Variants in AMN1 observed in about 807,000 individuals in gnomAD.
The protein encoded by AMN1 is protein AMN1 homolog.
Under a neutral mutation model 33.0 loss-of-function variants are expected in AMN1, and 20 were observed. That is an observed-to-expected ratio of 0.61 (90% CI 0.43 to 0.88). The LOEUF (loss-of-function observed/expected upper bound fraction) is 0.88. Ranked by LOEUF, AMN1 falls within the 40% of genes least tolerant of loss-of-function variation. The probability of loss-of-function intolerance (pLI) is 0.00; values close to 1 mark genes in which losing one functional copy is unlikely to be tolerated. For missense variants in AMN1, 246 were observed against 307.4 expected, an observed-to-expected ratio of 0.80 and a Z score of 1.49; for synonymous variants, 114 against 111.9, an observed-to-expected ratio of 1.02 and a Z score of -0.12.
At chr12:31,678,191 A>G (rs2077132144) in intron 6 of AMN1, among the ~76,000 whole-genome samples, 2 of 151,906 alleles carry the variant, frequency 1.3e-5, no homozygotes, top group Non-Finnish European at 2.9e-5. Context: ...TCTCTTATTA[A>G]CCTCCCTTTT....
At chr12:31,709,612 A>G (rs1939391405) in intron 1 of AMN1, among the ~76,000 whole-genome samples, 187 bp from the exon 2 acceptor site, 2 of 152,166 alleles carry the variant, frequency 1.3e-5, no homozygotes. Context: ...TGAGCTCAGG[A>G]GTTTGAGACC....
intron 2 of AMN1, among the ~76,000 whole-genome samples, chr12:31,702,726 T>C (rs1939061123): frequency 6.6e-6 from 1 of 152,046 alleles, no homozygotes; most frequent in Admixed American, 6.6e-5. Context: ...TCATATACAT[T>C]ATATTATTTT....
intron 1 of AMN1, among the ~76,000 whole-genome samples, chr12:31,726,577 G>A (rs1021646941): frequency 6.6e-6 from 1 of 152,194 alleles, no homozygotes; most frequent in African/African-American, 2.4e-5. Flanking sequence ...GAGGAGATAA[G>A]GAGTTTATGC....
At chr12:31,709,677 A>G (rs1031991597) in intron 1 of AMN1, among the ~76,000 whole-genome samples, 2 of 152,052 alleles carry the variant, frequency 1.3e-5, no homozygotes, top group Admixed American at 6.6e-5. Flanking sequence ...AAAAATACAA[A>G]AATTAGCTGA....
At chr12:31,680,408 C>T (rs1365242030) in intron 6 of AMN1, among the ~76,000 whole-genome samples, 1 of 152,066 alleles carries the variant, frequency 6.6e-6, no homozygotes, top group African/African-American at 2.4e-5. Flanking sequence ...ACCATGTTGG[C>T]CAAGCTGGTC....
In AMN1 at chr12:31,671,736, A is replaced by T. The variant is rs1343064393; in HGVS notation, c.*568T>A. The T allele has an allele frequency of 6.6e-6, 1 of 152,368 alleles. No individual in the cohort carries two copies. The highest frequency in any genetic ancestry group is 1.5e-5 in the Non-Finnish European group (1 of 68,156). The allele number at this position is 152,368 out of a possible 1,614,324, so 9.4% of individuals were successfully genotyped here. ...GGGCAAGAGCCTCTGTAATACTAAT[A>T]CGCTGAATGGCTAATAAGTCACTTC... On this transcript the variant is annotated 3_prime_UTR_variant, in exon 7 of 7. Coordinates refer to ENST00000281471, the MANE Select transcript of AMN1 (RefSeq NM_001113402.2).
At chr12:31,717,494 T>C (rs2139723879) in intron 1 of AMN1, among the ~76,000 whole-genome samples, 1 of 152,354 alleles carries the variant, frequency 6.6e-6, no homozygotes, top group African/African-American at 2.4e-5. Flanking sequence ...CTGGGTCAAA[T>C]GGTATTCCTG....
intron 5 of AMN1, among the ~76,000 whole-genome samples, chr12:31,692,486 A>G (rs978339432): frequency 2.0e-5 from 3 of 151,846 alleles, no homozygotes; most frequent in Non-Finnish European, 2.9e-5. Context: ...AACATATTAA[A>G]TTAAGGCATT....
At chr12:31,699,735 T>G (rs948690619) in intron 3 of AMN1, among the ~76,000 whole-genome samples, 2 of 152,222 alleles carry the variant, frequency 1.3e-5, no homozygotes, top group Non-Finnish European at 2.9e-5. Context: ...CCATTTATAG[T>G]TGGTCAGTCA....
chr12:31,697,662 A>T, intron 4 of AMN1, 78 bp downstream of exon 4: 1 of 1,453,458 alleles, frequency 6.9e-7, no homozygotes, highest in South Asian at 1.2e-5. Context: ...TGAACTCCTT[A>T]TGATATGTTC....
At position 31,683,512 on chromosome 12, in the gene AMN1, G is replaced by A. The variant is rs531522049; in HGVS notation, c.703+5495C>T. ...GTAGCTCCCACAATTCCCATGTGTCGTGAGAGGGACCCGGTGGGAGGTAAT... is the reference window on the plus strand; with the variant it reads ...GTAGCTCCCACAATTCCCATGTGTCATGAGAGGGACCCGGTGGGAGGTAAT... On this transcript the variant is annotated intron_variant, in intron 6 of 6. Coordinates refer to ENST00000281471, the MANE Select transcript of AMN1 (RefSeq NM_001113402.2). This position sits in a 1 kb window ranked among gnomAD's most constrained non-coding sequence, Gnocchi z 4.1. 8.5e-5 allele frequency among the ~76,000 whole-genome samples: 13 copies of A among 152,308 alleles called. No individual in the cohort carries two copies. The highest frequency in any genetic ancestry group is 2.2e-4 in the African/African-American group (9 of 41,574).
intron 1 of AMN1, among the ~76,000 whole-genome samples, chr12:31,710,008 G>A (rs926429379): frequency 6.6e-6 from 1 of 152,102 alleles, no homozygotes; most frequent in African/African-American, 2.4e-5. Context: ...TTTCCTAAGT[G>A]TCTAATTTCT....
intron 5 of AMN1, among the ~76,000 whole-genome samples, chr12:31,694,267 C>A (rs1759855376): frequency 6.6e-6 from 1 of 151,480 alleles, no homozygotes; most frequent in South Asian, 2.1e-4. Context: ...CATGGTGAAA[C>A]CCTGGCTCTA....
At chr12:31,707,239 C>G (rs183024571) in intron 2 of AMN1, among the ~76,000 whole-genome samples, 1 of 152,130 alleles carries the variant, frequency 6.6e-6, no homozygotes, top group African/African-American at 2.4e-5. Context: ...TATACTGTTA[C>G]ACCTAAGTGT....
At chr12:31,694,405 G>A (rs113138826) in intron 5 of AMN1, among the ~76,000 whole-genome samples, 139 of 143,168 alleles carry the variant, frequency 9.7e-4, no homozygotes, top group African/African-American at 3.5e-3. Context: ...TCACACTATT[G>A]CACTCCAGCC....
At chr12:31,712,614 T>C (rs893204316) in intron 1 of AMN1, among the ~76,000 whole-genome samples, 1 of 152,174 alleles carries the variant, frequency 6.6e-6, no homozygotes, top group Non-Finnish European at 1.5e-5. Flanking sequence ...ATTTTCTTTA[T>C]TCATTCATCC....
intron 1 of AMN1, 135 bp downstream of exon 1, chr12:31,728,836 G>A: frequency 9.8e-6 from 10 of 1,017,850 alleles, no homozygotes; most frequent in Non-Finnish European, 1.1e-5. Flanking sequence ...CCCAGGGACA[G>A]AAACACACGC....
intron 5 of AMN1, 45 bp from the exon 6 acceptor site, chr12:31,689,163 TATA>T: frequency 7.6e-7 from 1 of 1,311,652 alleles, no homozygotes; most frequent in South Asian, 1.3e-5. Flanking sequence ...AACAAAGATC[TATA>T]ATAACAGTAT....
intron 1 of AMN1, among the ~76,000 whole-genome samples, chr12:31,712,207 A>G (rs1414057311): frequency 6.6e-6 from 1 of 152,028 alleles, no homozygotes; most frequent in Non-Finnish European, 1.5e-5. Flanking sequence ...TTCTAGAGGC[A>G]TGCTTACCAC....
Sources: allele counts gnomAD v4.1 joint callset (sites outside exome capture counted in the v4.1 genomes callset), GRCh38; gene constraint gnomAD v4.1.1; non-coding constraint Gnocchi (gnomAD v3.1); transcripts MANE v1.5; gene names NCBI Gene and HGNC (gene_info 2026-07-23, HGNC 2026-07-21).